Variants in SUGCT observed in about 807,000 individuals in gnomAD.
SUGCT encodes the protein succinyl-CoA:glutarate-CoA transferase, also known as succinyl-CoA:glutarate CoA-transferase.
In SUGCT, 41 loss-of-function variants were observed where a neutral mutation model predicts 55.0. The observed-to-expected ratio is 0.74, with a 90% CI of 0.58 to 0.97. The LOEUF is 0.97. Ranked by LOEUF, SUGCT falls within the 50% of genes least tolerant of loss-of-function variation. SUGCT has a pLI of 0.00. For missense variants in SUGCT, 568 were observed against 547.8 expected, an observed-to-expected ratio of 1.04 and a Z score of -0.37; for synonymous variants, 187 against 200.4, an observed-to-expected ratio of 0.93 and a Z score of 0.56.
chr7:40,650,343 AGTGTGT>A (rs1800715685), intron 12 of SUGCT, among the ~76,000 whole-genome samples: 1 of 152,188 alleles, frequency 6.6e-6, no homozygotes. Context: ...ATTACACAGT[AGTGTGT>A]ACCAGGACAT....
chr7:40,302,019 C>A (rs1303031648), intron 8 of SUGCT, among the ~76,000 whole-genome samples: 1 of 152,138 alleles, frequency 6.6e-6, no homozygotes, highest in African/African-American at 2.4e-5. Flanking sequence ...TTACTTGATT[C>A]CATTTTTGGT....
chr7:40,371,953 C>G (rs1051501122), intron 9 of SUGCT, among the ~76,000 whole-genome samples: 4 of 151,766 alleles, frequency 2.6e-5, no homozygotes, highest in Non-Finnish European at 4.4e-5. Flanking sequence ...CGAACACACA[C>G]ACACACACAC....
intron 12 of SUGCT, among the ~76,000 whole-genome samples, chr7:40,564,466 A>C (rs1796019964): frequency 6.6e-6 from 1 of 152,254 alleles, no homozygotes; most frequent in Admixed American, 6.5e-5. Flanking sequence ...AACCACCGTC[A>C]TGTCATAATA....
intron 7 of SUGCT, among the ~76,000 whole-genome samples, chr7:40,241,578 CA>C (rs111742538): frequency 0.04 from 3,030 of 75,040 alleles, 62 homozygotes; most frequent in African/African-American, 0.12. Flanking sequence ...GACTCTGTCT[CA>C]AAAAAAAAAA....
chr7:40,407,555 A>C (rs1328431425), intron 9 of SUGCT, among the ~76,000 whole-genome samples: 1 of 152,114 alleles, frequency 6.6e-6, no homozygotes, highest in Non-Finnish European at 1.5e-5. Context: ...TAAGAAGAAG[A>C]TCATGCCAAA....
At chr7:40,789,495 G>GTA (rs1441876784) in intron 13 of SUGCT, among the ~76,000 whole-genome samples, 5 of 152,068 alleles carry the variant, frequency 3.3e-5, no homozygotes, top group Admixed American at 6.6e-5. Context: ...ATATTCCATT[G>GTA]TATATATATA....
chr7:40,158,002 T>C (rs931942533), intron 1 of SUGCT, among the ~76,000 whole-genome samples: 4 of 151,594 alleles, frequency 2.6e-5, no homozygotes, highest in African/African-American at 9.7e-5. Context: ...AGGTCAAGAG[T>C]TCAAGACCAG....
At chr7:40,974,623 A>C in the SUGCT span, among the ~76,000 whole-genome samples, 1 of 152,196 alleles carries the variant, frequency 6.6e-6, no homozygotes, top group Non-Finnish European at 1.5e-5. Context: ...TGAGATGACC[A>C]ATACAGACAC....
Position 40,756,737 on chromosome 7 carries a change from A to C in SUGCT, c.1153+7240A>C, listed in dbSNP as rs73312219. On this transcript the variant is annotated intron_variant, in intron 13 of 13. Coordinates refer to ENST00000335693, the MANE Select transcript of SUGCT (RefSeq NM_001193313.2). ...CTCATAAGGAATTCTGTGTAAAACC[A>C]ATGTGAAAATGAAAGGTGAGATAAG... is the stretch of plus-strand genomic sequence containing the variant. Among the ~76,000 whole-genome samples the C allele has an allele frequency of 4.4e-3, 676 of 152,304 alleles. 5 individuals carry two copies. The highest frequency in any genetic ancestry group is 0.016 in the African/African-American group (646 of 41,554).
At chr7:40,529,489 C>T (rs1039193969) in intron 12 of SUGCT, among the ~76,000 whole-genome samples, 3 of 152,128 alleles carry the variant, frequency 2.0e-5, no homozygotes, top group East Asian at 1.9e-4. Context: ...GTGTGGGTAC[C>T]GTTAATAAAC....
At chr7:40,491,570 G>T (rs1029138029) in intron 11 of SUGCT, among the ~76,000 whole-genome samples, 2 of 152,122 alleles carry the variant, frequency 1.3e-5, no homozygotes, top group Non-Finnish European at 2.9e-5. Context: ...AAAAAGGTCT[G>T]GGCTGGTAAT....
intron 13 of SUGCT, among the ~76,000 whole-genome samples, chr7:40,764,172 A>G (rs1788665938): frequency 6.6e-6 from 1 of 152,206 alleles, no homozygotes; most frequent in Admixed American, 6.5e-5. Flanking sequence ...TTATTTCTGC[A>G]AGAAGTTCCC....
chr7:40,372,102 GT>G (rs958375705), intron 9 of SUGCT, among the ~76,000 whole-genome samples: 27 of 145,202 alleles, frequency 1.9e-4, no homozygotes, highest in Non-Finnish European at 2.7e-4. Context: ...CTGGTTTGAG[GT>G]TTTTTTTTTA....
At chr7:40,896,809 A>G in the SUGCT span, among the ~76,000 whole-genome samples, 1 of 152,188 alleles carries the variant, frequency 6.6e-6, no homozygotes, top group Non-Finnish European at 1.5e-5. Context: ...ATTTAACGCA[A>G]TCCCAATGAA....
At chr7:40,637,382 A>G (rs1178465421) in intron 12 of SUGCT, among the ~76,000 whole-genome samples, 2 of 152,182 alleles carry the variant, frequency 1.3e-5, no homozygotes, top group Non-Finnish European at 2.9e-5. Context: ...TTGAAATCTA[A>G]TATCTTGCAT....
At chr7:40,960,319 G>A in the SUGCT span, among the ~76,000 whole-genome samples, 2 of 152,152 alleles carry the variant, frequency 1.3e-5, no homozygotes, top group Non-Finnish European at 2.9e-5. Flanking sequence ...AGTTTCTTTG[G>A]AAGTTGTGAC....
chr7:40,174,935 T>C (rs1784851684), intron 1 of SUGCT, among the ~76,000 whole-genome samples: 1 of 152,154 alleles, frequency 6.6e-6, no homozygotes, highest in African/African-American at 2.4e-5. Context: ...ATCTTTTAAA[T>C]GTTTTCCAAT....
chr7:40,163,822 G>T (rs1014441693), intron 1 of SUGCT, among the ~76,000 whole-genome samples: 28 of 150,228 alleles, frequency 1.9e-4, no homozygotes, highest in Admixed American at 6.0e-4. Context: ...TTTTTGAATT[G>T]AATTTTTTTT....
At chr7:40,296,625 GTGTGTGTGTGTGTGTGTGT>G in intron 8 of SUGCT, among the ~76,000 whole-genome samples, 1 of 30,244 alleles carries the variant, frequency 3.3e-5, no homozygotes, top group Non-Finnish European at 1.7e-4. Context: ...GTGTGTGTGT[GTGTGTGTGTGTGTGTGTGT>G]GTGTGTGTGT....
Sources: allele counts gnomAD v4.1 joint callset (sites outside exome capture counted in the v4.1 genomes callset), GRCh38; gene constraint gnomAD v4.1.1; transcripts MANE v1.5; gene names NCBI Gene and HGNC (gene_info 2026-07-23, HGNC 2026-07-21).